The following ST6GALNAC5 variants were observed in gnomAD, a reference collection of about 807,000 sequenced individuals.
ST6GALNAC5 encodes the protein ST6 N-acetylgalactosaminide alpha-2,6-sialyltransferase 5, also known as alpha-N-acetylgalactosaminide alpha-2,6-sialyltransferase 5.
In ST6GALNAC5, 27 loss-of-function variants were observed where a neutral mutation model predicts 33.6. The ratio of observed to expected loss-of-function variants is 0.80; its 90% confidence interval spans 0.59 to 1.11. The LOEUF (loss-of-function observed/expected upper bound fraction) is 1.11, where lower values mean the gene tolerates loss of function less well. Ranked by LOEUF, ST6GALNAC5 falls within the 50% of genes least tolerant of loss-of-function variation. The pLI is 0.00. For synonymous variants in ST6GALNAC5, 194 were observed against 171.2 expected (o/e 1.13, Z -1.04); for missense variants, 428 against 454.0 (o/e 0.94, Z 0.52).
chr1:76,988,627 T>G (rs1649602769), intron 2 of ST6GALNAC5, among the ~76,000 whole-genome samples: 1 of 152,162 alleles, frequency 6.6e-6, no homozygotes, highest in South Asian at 2.1e-4. Context: ...TGACTTGATT[T>G]GCCAACTTTA....
chr1:76,985,737 T>C (rs1010571835), intron 2 of ST6GALNAC5, among the ~76,000 whole-genome samples: 13 of 152,068 alleles, frequency 8.5e-5, no homozygotes, highest in Non-Finnish European at 5.9e-5. Context: ...GGAGGCATCA[T>C]GCTACCTGAC....
chr1:77,005,224 G>A (rs1020268198), intron 2 of ST6GALNAC5, among the ~76,000 whole-genome samples: 12 of 152,242 alleles, frequency 7.9e-5, no homozygotes, highest in South Asian at 2.1e-4. Context: ...TCCGAAAAGC[G>A]CAATATTCAG....
At chr1:76,896,343 G>A (rs1307929867) in intron 2 of ST6GALNAC5, among the ~76,000 whole-genome samples, 3 of 152,226 alleles carry the variant, frequency 2.0e-5, no homozygotes, top group African/African-American at 7.2e-5. Flanking sequence ...TTGATGTGTA[G>A]GGAAGGGAGG....
At chr1:76,961,393 G>GA (rs1424792066) in intron 2 of ST6GALNAC5, among the ~76,000 whole-genome samples, 2 of 152,018 alleles carry the variant, frequency 1.3e-5, no homozygotes, top group African/African-American at 2.4e-5. Context: ...GAAGAAGAAA[G>GA]AAAAAAAGAC....
At chr1:77,058,111 A>G (rs1009315317) in intron 4 of ST6GALNAC5, among the ~76,000 whole-genome samples, 8 of 152,116 alleles carry the variant, frequency 5.3e-5, no homozygotes, top group African/African-American at 7.2e-5. Context: ...CAGAAACCCC[A>G]CCTGGGGGAA....
intron 2 of ST6GALNAC5, among the ~76,000 whole-genome samples, chr1:76,914,238 C>A (rs1312111067): frequency 6.6e-6 from 1 of 152,112 alleles, no homozygotes; most frequent in East Asian, 1.9e-4. Context: ...TAGGAAGAAT[C>A]AATATCGTGA....
At chr1:76,898,971 G>T (rs1466084765) in intron 2 of ST6GALNAC5, among the ~76,000 whole-genome samples, 1 of 152,106 alleles carries the variant, frequency 6.6e-6, no homozygotes, top group Non-Finnish European at 1.5e-5. Flanking sequence ...GGGATGAGTT[G>T]CATTGGGAAC....
rs181566795 is a variant in ST6GALNAC5 at position 76,935,970 on chromosome 1, C to T, written c.261+67228C>T. 2.5e-4 allele frequency among the ~76,000 whole-genome samples: 38 copies of T among 152,122 alleles called. No homozygotes were observed. The East Asian group carries it at 6.0e-3, about 24-fold the overall frequency. On this transcript the variant is annotated intron_variant, in intron 2 of 4. Coordinates refer to ENST00000477717, the MANE Select transcript of ST6GALNAC5 (RefSeq NM_030965.3). Reference sequence around the variant, plus strand: ...CTCAGGAATACTTGCTAATGACACACCAGATGAAGCTGAGATTCTGAGTGG... The same window carrying T: ...CTCAGGAATACTTGCTAATGACACATCAGATGAAGCTGAGATTCTGAGTGG...
chr1:76,880,643 C>T (rs905707152), intron 2 of ST6GALNAC5, among the ~76,000 whole-genome samples: 16 of 152,144 alleles, frequency 1.1e-4, no homozygotes, highest in African/African-American at 3.6e-4. Context: ...GAGGCTAGGC[C>T]GGTCTTGCCA....
At chr1:76,894,821 G>A (rs894375825) in intron 2 of ST6GALNAC5, among the ~76,000 whole-genome samples, 18 of 152,122 alleles carry the variant, frequency 1.2e-4, no homozygotes, top group African/African-American at 2.9e-4. Context: ...TTTCACTCGC[G>A]TCCATGTGAA....
intron 4 of ST6GALNAC5, among the ~76,000 whole-genome samples, chr1:77,053,689 A>T (rs1652300806): frequency 6.6e-6 from 1 of 152,236 alleles, no homozygotes; most frequent in South Asian, 2.1e-4. Flanking sequence ...TTGAGAGTTT[A>T]TACGATAATT....
intron 2 of ST6GALNAC5, among the ~76,000 whole-genome samples, chr1:76,902,680 AT>A (rs1333514551): frequency 3.9e-5 from 6 of 152,210 alleles, no homozygotes; most frequent in Non-Finnish European, 5.9e-5. Flanking sequence ...TGTTACTAAC[AT>A]AGGGATAAAC....
At chr1:76,994,458 C>T (rs1649848813) in intron 2 of ST6GALNAC5, among the ~76,000 whole-genome samples, 1 of 152,092 alleles carries the variant, frequency 6.6e-6, no homozygotes, top group Non-Finnish European at 1.5e-5. Context: ...TATGGATTAA[C>T]CAAAGTTTCT....
intron 2 of ST6GALNAC5, among the ~76,000 whole-genome samples, chr1:76,934,080 G>A (rs1166621041): frequency 6.6e-6 from 1 of 151,958 alleles, no homozygotes; most frequent in African/African-American, 2.4e-5. Context: ...TTAGAGTCTG[G>A]GAAATGGAGG....
intron 2 of ST6GALNAC5, among the ~76,000 whole-genome samples, chr1:76,997,494 GC>G (rs1649983438): frequency 6.6e-6 from 1 of 152,138 alleles, no homozygotes; most frequent in Admixed American, 6.5e-5. Context: ...GGAAGATCCT[GC>G]CATATGGATT....
chr1:77,025,972 G>C (rs986312607), intron 2 of ST6GALNAC5, among the ~76,000 whole-genome samples: 4 of 152,218 alleles, frequency 2.6e-5, no homozygotes, highest in Non-Finnish European at 5.9e-5. Flanking sequence ...CAGGAAAGAA[G>C]ATTATTCTCC....
intron 2 of ST6GALNAC5, among the ~76,000 whole-genome samples, chr1:76,911,936 C>A (rs574159455): frequency 2.0e-5 from 3 of 152,212 alleles, no homozygotes; most frequent in South Asian, 4.1e-4. Context: ...CAGTTCTGCT[C>A]TGATTTTAGT....
intron 2 of ST6GALNAC5, among the ~76,000 whole-genome samples, chr1:76,914,941 A>G: frequency 6.6e-6 from 1 of 151,626 alleles, no homozygotes; most frequent in Non-Finnish European, 1.5e-5. Context: ...CAACCTACTC[A>G]TCTGACAAAG....
intron 2 of ST6GALNAC5, among the ~76,000 whole-genome samples, chr1:76,951,391 G>T (rs774925484): frequency 6.6e-6 from 1 of 152,082 alleles, no homozygotes; most frequent in Non-Finnish European, 1.5e-5. Context: ...ACCAAACACC[G>T]CACATTCTCA....
Sources: allele counts gnomAD v4.1 joint callset (sites outside exome capture counted in the v4.1 genomes callset), GRCh38; gene constraint gnomAD v4.1.1; transcripts MANE v1.5; gene names NCBI Gene and HGNC (gene_info 2026-07-23, HGNC 2026-07-21).